COL4A5: variants seen among roughly 807,000 people sequenced by gnomAD.
The protein encoded by COL4A5 is collagen alpha-5(IV) chain.
COL4A5 carries 26 observed loss-of-function variants against 130.2 expected under a neutral mutation model. The ratio of observed to expected loss-of-function variants is 0.20; its 90% CI spans 0.15 to 0.28. The LOEUF (loss-of-function observed/expected upper bound fraction) is 0.28. COL4A5 is among the 10% of genes least tolerant of loss of function. COL4A5 has a pLI of 1.00. For synonymous variants in COL4A5, 496 were observed against 439.6 expected, an observed-to-expected ratio of 1.13 and a Z score of -1.60; for missense variants, 1,131 against 1,344.3, an observed-to-expected ratio of 0.84 and a Z score of 2.48.
chrX:108,579,466 G>T lies in COL4A5; in HGVS notation c.781-1067G>T, dbSNP rs756813223. Among the ~76,000 whole-genome samples, 3 of 112,095 alleles carry T rather than the reference G, an allele frequency of 2.7e-5. No individual in the cohort carries two copies. The South Asian group carries it at 1.1e-3, about 41-fold the overall frequency. On this transcript the variant is annotated intron_variant, in intron 13 of 52. Coordinates refer to ENST00000328300, the MANE Select transcript of COL4A5 (RefSeq NM_033380.3). The stretch of plus-strand genomic sequence containing the variant: ...TTATTTCCATTTTTGGCTATTTGAA[G>T]AATCCATTCATGTATAAAATTAGGT...
At chrX:108,689,951 G>C in intron 49 of COL4A5, 1 of 754,045 alleles carries the variant, frequency 1.3e-6, no homozygotes, top group Non-Finnish European at 1.6e-6. Flanking sequence ...GCAGCCACAG[G>C]TGCAACCAGA....
Position 108,666,715 on chromosome X carries a change from C to G in COL4A5, c.3553+121C>G, listed in dbSNP as rs767358195. Reference sequence around the variant, plus strand: ...CTTACTAAGCTACCACACACTTTCCCCTTTTCCTAGTTACCGTCTTCCTCT... The same window carrying G: ...CTTACTAAGCTACCACACACTTTCCGCTTTTCCTAGTTACCGTCTTCCTCT... On this transcript the variant is annotated intron_variant, in intron 39 of 52. Transcript: ENST00000328300. 3.1e-5 allele frequency: 19 copies of G among 611,287 alleles called. No individual in the cohort carries two copies. In the Admixed American group the frequency reaches 4.6e-4, roughly 15 times the overall value. 50.4% of individuals were successfully genotyped at this position (611,287 alleles called of 1,213,427 possible). A position where few individuals can be genotyped will look rare whatever the true frequency, so the allele number is the denominator to read the frequency against.
At chrX:108,493,807 G>A (rs761363662) in intron 1 of COL4A5, among the ~76,000 whole-genome samples, 264 of 85,884 alleles carry the variant, frequency 3.1e-3, no homozygotes, top group East Asian at 4.4e-3. Flanking sequence ...AATCTAAAAA[G>A]AAAAAAAAAA....
At position 108,469,798 on chromosome X, in the gene COL4A5, C is replaced by G. The variant is rs1408446983; in HGVS notation, c.81+29592C>G. 1.1e-4 allele frequency among the ~76,000 whole-genome samples: 12 copies of G among 111,717 alleles called. No homozygotes were observed. In the Admixed American group the frequency reaches 1.1e-3, roughly 11 times the overall value. On this transcript the variant is annotated intron_variant, in intron 1 of 52. Transcript: ENST00000328300. ...GATCCCATTACCCAGGCTACCTCCT[C>G]TAGTAGTCCCCAGTGTTTATTGCCC...
intron 29 of COL4A5, among the ~76,000 whole-genome samples, chrX:108,610,425 C>T (rs1441307297): frequency 9.0e-6 from 1 of 111,462 alleles, no homozygotes; most frequent in Admixed American, 9.6e-5. Flanking sequence ...TAGATAAGCT[C>T]TTAAAAAAAT....
In COL4A5 at chrX:108,620,297, C is replaced by T. The variant is rs1314812071; in HGVS notation, c.2548C>T (p.Pro850Ser). The T allele has an allele frequency of 8.3e-7, 1 of 1,206,468 alleles. No individual in the cohort carries two copies. The highest frequency in any genetic ancestry group is 2.2e-5 in the Admixed American group (1 of 45,636). Residue 850 changes from proline to serine, a missense_variant, in exon 31 of 53, where the codon CCT becomes TCT. Transcript: ENST00000328300. ...GIPGEKGDPGPPGLDVPGPPG... is the reference protein window; with the variant it reads ...GIPGEKGDPGSPGLDVPGPPG... ...ACCAGGAGAGAAGGGGGATCCAGGACCTCCTGGACTTGATGTTCCAGGACC... is the reference window on the plus strand; with the variant it reads ...ACCAGGAGAGAAGGGGGATCCAGGATCTCCTGGACTTGATGTTCCAGGACC...
chrX:108,648,271 CA>C (rs778829529), intron 36 of COL4A5, among the ~76,000 whole-genome samples: 3 of 109,473 alleles, frequency 2.7e-5, no homozygotes, highest in Non-Finnish European at 5.7e-5. Context: ...AAAAAATTAC[CA>C]ACAAAAAAAA....
chrX:108,599,211 C>G (rs1488773645), intron 25 of COL4A5, among the ~76,000 whole-genome samples: 1 of 111,565 alleles, frequency 9.0e-6, no homozygotes, highest in Non-Finnish European at 1.9e-5. Context: ...AACCTTTTCT[C>G]CCTGTCATTT....
intron 29 of COL4A5, among the ~76,000 whole-genome samples, chrX:108,611,387 A>G (rs1180857891): frequency 9.0e-6 from 1 of 111,132 alleles, no homozygotes; most frequent in Non-Finnish European, 1.9e-5. Context: ...TTTAGACTTA[A>G]GGGAAAGGTG....
At chrX:108,463,963 T>C (rs1021587877) in intron 1 of COL4A5, among the ~76,000 whole-genome samples, 2 of 112,055 alleles carry the variant, frequency 1.8e-5, no homozygotes, top group Non-Finnish European at 3.8e-5. Context: ...CTAACGTTAC[T>C]ATGGCACTAT....
intron 1 of COL4A5, among the ~76,000 whole-genome samples, chrX:108,495,738 A>G (rs1170226945): frequency 2.7e-5 from 3 of 112,179 alleles, no homozygotes; most frequent in Non-Finnish European, 5.6e-5. Context: ...GACCCGTTCT[A>G]TGGATATCAG....
intron 1 of COL4A5, among the ~76,000 whole-genome samples, chrX:108,536,797 A>C (rs962490805): frequency 8.1e-5 from 9 of 111,677 alleles, no homozygotes; most frequent in African/African-American, 2.9e-4. Flanking sequence ...TCTGGAAGCT[A>C]CCTAAGGAGA....
intron 50 of COL4A5, chrX:108,694,394 T>C (rs2068692983): frequency 5.5e-6 from 1 of 181,442 alleles, no homozygotes; most frequent in South Asian, 1.0e-4. Context: ...CCGTTTCTTA[T>C]ATTTTCCAGT....
intron 50 of COL4A5, chrX:108,694,368 G>A: frequency 5.7e-6 from 1 of 174,030 alleles, no homozygotes. Context: ...ATAATGAGTA[G>A]AGATTGAGAA....
At chrX:108,559,657 A>G (rs2065875152) in intron 3 of COL4A5, among the ~76,000 whole-genome samples, 1 of 112,080 alleles carries the variant, frequency 8.9e-6, no homozygotes, top group Non-Finnish European at 1.9e-5. Context: ...GGGAGCTCAG[A>G]ACGAAAAGCT....
At chrX:108,603,130 T>C (rs1201168013) in intron 28 of COL4A5, 69 bp downstream of exon 28, 27 of 691,866 alleles carry the variant, frequency 3.9e-5, no homozygotes, top group Non-Finnish European at 2.3e-6. Flanking sequence ...TCTAGCTCTC[T>C]ATTTTGACTC....
intron 13 of COL4A5, 80 bp from the exon 14 acceptor site, chrX:108,580,453 T>G: frequency 1.2e-6 from 1 of 831,445 alleles, no homozygotes; most frequent in Non-Finnish European, 1.8e-6. Flanking sequence ...TTAAAAATGC[T>G]CCTAGCTAGC....
intron 1 of COL4A5, among the ~76,000 whole-genome samples, chrX:108,510,827 C>G (rs943127727): frequency 1.8e-5 from 2 of 109,757 alleles, no homozygotes; most frequent in South Asian, 3.8e-4. Flanking sequence ...TTTCATACAA[C>G]TTTTTGTTTA....
chrX:108,586,168 AAC>A (rs113342886), intron 18 of COL4A5, among the ~76,000 whole-genome samples: 11,388 of 110,874 alleles, frequency 0.1, 1,293 homozygotes, highest in African/African-American at 0.33. Context: ...CAGAATAGTT[AAC>A]ACACACACAC....
Sources: gnomAD v4.1 joint callset for allele counts (sites outside exome capture counted in the v4.1 genomes callset) on GRCh38, gnomAD v4.1.1 for gene constraint, MANE v1.5 for transcripts, NCBI Gene and HGNC (gene_info 2026-07-23, HGNC 2026-07-21) for gene names.